SAMD12: variants seen among roughly 807,000 people sequenced by gnomAD.
SAMD12 encodes the protein sterile alpha motif domain containing 12, also known as sterile alpha motif domain-containing protein 12.
SAMD12 carries 9 observed loss-of-function variants against 15.0 expected under a neutral mutation model. The ratio of observed to expected loss-of-function variants is 0.60; its 90% CI spans 0.36 to 1.05. The LOEUF (loss-of-function observed/expected upper bound fraction) is 1.05. Ranked by LOEUF, SAMD12 falls within the 50% of genes least tolerant of loss-of-function variation. The probability of loss-of-function intolerance (pLI) is 0.01; values close to 1 mark genes in which losing one functional copy is unlikely to be tolerated. For synonymous variants in SAMD12, 86 were observed against 90.1 expected, an observed-to-expected ratio of 0.96 and a Z score of 0.25; for missense variants, 230 against 234.2, an observed-to-expected ratio of 0.98 and a Z score of 0.12.
intron 2 of SAMD12, among the ~76,000 whole-genome samples, chr8:118,480,562 G>A (rs1359976665): frequency 1.3e-5 from 2 of 152,174 alleles, no homozygotes; most frequent in Non-Finnish European, 2.9e-5. Context: ...GTAACCCAAT[G>A]TGTTCAATAC....
At chr8:118,253,492 T>C (rs1165788367) in intron 4 of SAMD12, among the ~76,000 whole-genome samples, 1 of 152,216 alleles carries the variant, frequency 6.6e-6, no homozygotes, top group Non-Finnish European at 1.5e-5. Context: ...GAGGATATAT[T>C]ATAAACTCTT....
At chr8:118,485,822 A>G (rs1824261734) in intron 2 of SAMD12, among the ~76,000 whole-genome samples, 1 of 152,218 alleles carries the variant, frequency 6.6e-6, no homozygotes, top group African/African-American at 2.4e-5. Context: ...AACACAGCTG[A>G]CTGGTTTTTA....
intron 1 of SAMD12, among the ~76,000 whole-genome samples, chr8:118,583,501 T>A (rs1411930263): frequency 6.6e-6 from 1 of 152,178 alleles, no homozygotes; most frequent in Non-Finnish European, 1.5e-5. Context: ...TCTAGCTTTA[T>A]CCTCTGCTGC....
At chr8:118,435,903 A>C (rs1369644098) in intron 3 of SAMD12, among the ~76,000 whole-genome samples, 1 of 152,252 alleles carries the variant, frequency 6.6e-6, no homozygotes, top group African/African-American at 2.4e-5. Flanking sequence ...ATTATAGATC[A>C]GGAAGACTGA....
At chr8:118,546,056 C>G (rs188185256) in intron 2 of SAMD12, among the ~76,000 whole-genome samples, 5 of 152,276 alleles carry the variant, frequency 3.3e-5, no homozygotes, top group South Asian at 4.1e-4. Context: ...TAGAATAGTT[C>G]GTGGCACAAA....
chr8:118,423,311 C>T (rs760715973), intron 3 of SAMD12, among the ~76,000 whole-genome samples: 1 of 152,124 alleles, frequency 6.6e-6, no homozygotes, highest in South Asian at 2.1e-4. Context: ...CAAATGTCTT[C>T]GGGACTCAGG....
intron 2 of SAMD12, among the ~76,000 whole-genome samples, chr8:118,551,899 G>C (rs200141137): frequency 0.031 from 4,295 of 140,302 alleles, 117 homozygotes; most frequent in East Asian, 0.09. Flanking sequence ...CTACAAATAC[G>C]TCTACGCAAA....
intron 2 of SAMD12, among the ~76,000 whole-genome samples, chr8:118,506,066 C>T (rs1173762826): frequency 6.6e-6 from 1 of 152,146 alleles, no homozygotes; most frequent in East Asian, 1.9e-4. Context: ...CCCATACCTG[C>T]AGTCACATTC....
At chr8:118,573,502 T>C (rs1462512823) in intron 2 of SAMD12, among the ~76,000 whole-genome samples, 1 of 152,232 alleles carries the variant, frequency 6.6e-6, no homozygotes, top group Non-Finnish European at 1.5e-5. Flanking sequence ...GGAATCACCA[T>C]ACTGTCTTTC....
intron 2 of SAMD12, among the ~76,000 whole-genome samples, chr8:118,482,496 T>A (rs548404016): frequency 2.0e-5 from 3 of 152,278 alleles, no homozygotes; most frequent in Admixed American, 1.3e-4. Context: ...GTACTAAGTA[T>A]GTACAGACTT....
intron 3 of SAMD12, among the ~76,000 whole-genome samples, chr8:118,407,071 C>T (rs538954249): frequency 2.0e-5 from 3 of 151,834 alleles, no homozygotes; most frequent in South Asian, 2.1e-4. Context: ...CCACTTGTTC[C>T]CCCAAAACTA....
the SAMD12 span, among the ~76,000 whole-genome samples, chr8:118,159,543 G>A: frequency 7.2e-5 from 11 of 152,090 alleles, no homozygotes; most frequent in East Asian, 1.9e-4. Context: ...GGGCAAAGGC[G>A]CCAACTGCCA....
At chr8:118,259,409 A>G (rs954679004) in intron 4 of SAMD12, among the ~76,000 whole-genome samples, 3 of 152,172 alleles carry the variant, frequency 2.0e-5, no homozygotes, top group Non-Finnish European at 4.4e-5. Context: ...GGTAGTGCCA[A>G]TGGCATCTTG....
chr8:118,444,072 T>G lies in SAMD12; in HGVS notation c.193-4111A>C, dbSNP rs77690903. Among the ~76,000 whole-genome samples, 20 of 152,300 alleles carry G rather than the reference T, an allele frequency of 1.3e-4. No individual in the cohort carries two copies. In the South Asian group the frequency reaches 1.7e-3, roughly 13 times the overall value. On this transcript the variant is annotated intron_variant, in intron 2 of 3. Transcript: ENST00000314727. Reference sequence around the variant, plus strand: ...CAGCCATCCCTAGAGGATGACTTTCTCTGATATGCTGCTGGGTTTTTTCTT... The same window carrying G: ...CAGCCATCCCTAGAGGATGACTTTCGCTGATATGCTGCTGGGTTTTTTCTT...
At chr8:118,328,566 G>A (rs1263882061) in intron 4 of SAMD12, among the ~76,000 whole-genome samples, 1 of 152,142 alleles carries the variant, frequency 6.6e-6, no homozygotes, top group African/African-American at 2.4e-5. Flanking sequence ...CCAGCACATA[G>A]GAGGTACGCA....
chr8:118,216,100 A>G (rs1241194168), intron 4 of SAMD12, among the ~76,000 whole-genome samples: 11 of 151,032 alleles, frequency 7.3e-5, no homozygotes, highest in African/African-American at 2.7e-4. Flanking sequence ...AAGTGTTCCT[A>G]TTTCTCCACA....
chr8:118,159,430 G>A, the SAMD12 span, among the ~76,000 whole-genome samples: 1 of 152,134 alleles, frequency 6.6e-6, no homozygotes, highest in Non-Finnish European at 1.5e-5. Flanking sequence ...CTCTTTGTCT[G>A]GTTTGCCCTT....
chr8:118,318,336 A>ATG (rs1816045534), intron 4 of SAMD12, among the ~76,000 whole-genome samples: 1 of 140,848 alleles, frequency 7.1e-6, no homozygotes, highest in African/African-American at 2.6e-5. Flanking sequence ...ATATATATAT[A>ATG]TATATATATA....
At chr8:118,190,098 A>G (rs1819321861) in exon 5 of SAMD12, 1 of 152,176 alleles carries the variant, frequency 6.6e-6, no homozygotes, top group African/African-American at 2.4e-5. Flanking sequence ...AAAAATGTCA[A>G]CCATCTACCT....
Sources: gnomAD v4.1 joint callset for allele counts (sites outside exome capture counted in the v4.1 genomes callset) on GRCh38, gnomAD v4.1.1 for gene constraint, MANE v1.5 for transcripts, NCBI Gene and HGNC (gene_info 2026-07-23, HGNC 2026-07-21) for gene names.